The following ITGA5 variants were observed in gnomAD, a reference collection of about 807,000 sequenced individuals.
ITGA5 encodes integrin alpha-5.
In ITGA5, 55 loss-of-function variants were observed where a neutral mutation model predicts 146.3. That is an observed-to-expected ratio of 0.38 (90% CI 0.30 to 0.47). The LOEUF (loss-of-function observed/expected upper bound fraction) is 0.47. ITGA5 is among the 20% of genes least tolerant of loss of function. ITGA5 has a pLI of 0.99. For synonymous variants in ITGA5, 500 were observed against 531.8 expected, an observed-to-expected ratio of 0.94 and a Z score of 0.82; for missense variants, 1,131 against 1,329.0, an observed-to-expected ratio of 0.85 and a Z score of 2.32.
intron 1 of ITGA5, among the ~76,000 whole-genome samples, chr12:54,417,583 A>G (rs999527682): frequency 6.6e-6 from 1 of 152,056 alleles, no homozygotes; most frequent in African/African-American, 2.4e-5. Flanking sequence ...ACAAAGGAGA[A>G]TTTGCCTTTC....
intron 29 of ITGA5, among the ~76,000 whole-genome samples, chr12:54,396,797 C>T (rs1163982932): frequency 6.6e-6 from 1 of 152,206 alleles, no homozygotes; most frequent in Non-Finnish European, 1.5e-5. Flanking sequence ...GATCCTCCCA[C>T]CTCAGCCTCC....
chr12:54,418,597 C>T (rs956852598), intron 1 of ITGA5, among the ~76,000 whole-genome samples: 5 of 151,912 alleles, frequency 3.3e-5, no homozygotes, highest in Non-Finnish European at 1.5e-5. Flanking sequence ...CCTTCCCGGC[C>T]TCTGCGCCCC....
intron 1 of ITGA5, among the ~76,000 whole-genome samples, chr12:54,415,472 C>A (rs1955995360): frequency 6.6e-6 from 1 of 152,218 alleles, no homozygotes. Context: ...TGTTCTCATT[C>A]TGCAGATGGG....
intron 9 of ITGA5, 174 bp downstream of exon 9, chr12:54,407,475 G>C (rs1340059095): frequency 1.5e-6 from 1 of 656,544 alleles, no homozygotes; most frequent in African/African-American, 1.8e-5. Context: ...AGGAAGCAGA[G>C]TATGAATAAA....
At chr12:54,399,605 C>T (rs776795701) in intron 27 of ITGA5, 40 bp downstream of exon 27, 65 of 1,490,244 alleles carry the variant, frequency 4.4e-5, no homozygotes, top group Non-Finnish European at 1.7e-5. Flanking sequence ...CTAAGCAGGC[C>T]CAAAGGTCAG....
chr12:54,399,828 C>T, intron 26 of ITGA5, 36 bp downstream of exon 26: 2 of 1,606,204 alleles, frequency 1.2e-6, no homozygotes, highest in East Asian at 2.2e-5. Context: ...GAGTACTCAA[C>T]ACTTTGGTCC....
chr12:54,399,692 G>C lies in ITGA5; in HGVS notation c.2794C>G (p.Gln932Glu). The C allele has an allele frequency of 6.2e-7, 1 of 1,614,182 alleles. No homozygotes were observed. Among genetic ancestry groups the C allele is most frequent in the Non-Finnish European group, 8.5e-7 (1 of 1,180,006 alleles). ...ELGPLHQQES[Q>E]SLQLHFRVWA... ...ACTCGGAAATGCAACTGCAGACTTT[G>C]GCTCTCTTGTTGGTGCAGGGGCCCG... Residue 932 changes from glutamine (Q) to glutamate (E), a missense_variant, in exon 27 of 30, where the codon CAA becomes GAA. Physicochemically the swap from Gln to Glu is conservative, Grantham distance 29. Transcript: ENST00000293379.
rs1399980603 is a variant in ITGA5 at position 54,416,053 on chromosome 12, AT to A, written c.218+2927del. Among the ~76,000 whole-genome samples, 1 of 151,834 alleles carries A rather than the reference AT, an allele frequency of 6.6e-6. No individual in the cohort carries two copies. Among genetic ancestry groups the A allele is most frequent in the Admixed American group, 6.6e-5 (1 of 15,242 alleles). The stretch of plus-strand genomic sequence containing the variant: ...GACTCCTGAAGCCTCAGTTGTTTTT[AT>A]TTTTTGTTTGTTTGTTGTTGTTTTT... On this transcript the variant is annotated intron_variant, in intron 1 of 29. Coordinates refer to ENST00000293379, the MANE Select transcript of ITGA5 (RefSeq NM_002205.5). The surrounding 1 kb of genome is among the most constrained non-coding windows in gnomAD (Gnocchi z 4.1).
chr12:54,405,144 T>C, intron 12 of ITGA5, 22 bp downstream of exon 12: 1 of 1,545,330 alleles, frequency 6.5e-7, no homozygotes, highest in Non-Finnish European at 8.8e-7. Flanking sequence ...CCTCTTTCAC[T>C]CTCTGAGCCC....
chr12:54,397,341 A>C (rs547683818), intron 29 of ITGA5, 24 bp downstream of exon 29: 1 of 1,613,450 alleles, frequency 6.2e-7, no homozygotes, highest in East Asian at 2.2e-5. Context: ...AGGGTGGCCA[A>C]GTCACAAGCA....
chr12:54,410,884 G>A (rs1488913746), intron 2 of ITGA5, among the ~76,000 whole-genome samples: 2 of 152,122 alleles, frequency 1.3e-5, no homozygotes, highest in Non-Finnish European at 2.9e-5. Context: ...GTGCCACCAT[G>A]CCCGGCTAAT....
intron 1 of ITGA5, among the ~76,000 whole-genome samples, chr12:54,415,330 G>A (rs1955993343): frequency 6.6e-6 from 1 of 152,204 alleles, no homozygotes; most frequent in Non-Finnish European, 1.5e-5. Context: ...ACCACAGCTA[G>A]AAGGCACTGT....
intron 9 of ITGA5, 67 bp downstream of exon 9, chr12:54,407,582 T>A (rs375776907): frequency 5.1e-6 from 7 of 1,367,072 alleles, no homozygotes; most frequent in Non-Finnish European, 7.3e-6. Flanking sequence ...CCTTGCAAAC[T>A]GCCATGCACG....
intron 1 of ITGA5, among the ~76,000 whole-genome samples, chr12:54,417,099 T>A (rs1708048903): frequency 6.6e-6 from 1 of 151,950 alleles, no homozygotes; most frequent in Admixed American, 6.6e-5. Context: ...ACCTGGGTTC[T>A]CTTGGGAGGG....
rs574149030 is a variant in ITGA5, at chr12:54,409,084, A to G, written c.584-130T>C. Reference sequence around the variant, plus strand: ...CCTTCCTGGACCAGACAGTAAGCATAAAGGCTAACGAACTGGGTTAGCCTT... The same window carrying G: ...CCTTCCTGGACCAGACAGTAAGCATGAAGGCTAACGAACTGGGTTAGCCTT... On this transcript the variant is annotated intron_variant, in intron 4 of 29. Transcript: ENST00000293379. The surrounding 1 kb of genome is among the most constrained non-coding windows in gnomAD (Gnocchi z 4.7). 6.5e-4 allele frequency: 914 copies of G among 1,407,318 alleles called. No individual in the cohort carries two copies. The highest frequency in any genetic ancestry group is 8.7e-4 in the Non-Finnish European group (884 of 1,014,290). 87.2% of individuals were successfully genotyped at this position (1,407,318 alleles called of 1,614,324 possible).
At chr12:54,417,302 T>C (rs1956018492) in intron 1 of ITGA5, among the ~76,000 whole-genome samples, 1 of 151,884 alleles carries the variant, frequency 6.6e-6, no homozygotes. Context: ...GAAGGTTAAA[T>C]GCCAGACAAC....
intron 13 of ITGA5, 46 bp downstream of exon 13, chr12:54,404,655 AGT>A (rs1331397996): frequency 6.5e-7 from 1 of 1,547,858 alleles, no homozygotes; most frequent in Middle Eastern, 1.7e-4. Context: ...AGTAGGGGTC[AGT>A]GACCAGGGAA....
rs1031468614 is a variant in ITGA5 at position 54,412,778 on chromosome 12, T to C, written c.219-814A>G. 6.6e-5 allele frequency among the ~76,000 whole-genome samples: 10 copies of C among 152,180 alleles called. No homozygotes were observed. In the East Asian group the frequency reaches 1.9e-3, roughly 29 times the overall value. On this transcript the variant is annotated intron_variant, in intron 1 of 29. Transcript: ENST00000293379. ...TAGCTAAGGGCCTGGGCAGTCCTCC[T>C]GCCGTCAGCTCTGCCTCATTCATCC...
chr12:54,419,251 C>A lies in ITGA5; in HGVS notation c.-53G>T. On this transcript the variant is annotated 5_prime_UTR_variant, in exon 1 of 30. Coordinates refer to ENST00000293379, the MANE Select transcript of ITGA5 (RefSeq NM_002205.5). ...CACCGACCCGGAGCCGCTTCCTAAA[C>A]CTCCCAGAGGCGAATGACTCAACGC... The A allele has an allele frequency of 6.5e-7, 1 of 1,537,022 alleles. No homozygotes were observed. Among genetic ancestry groups the A allele is most frequent in the Non-Finnish European group, 8.8e-7 (1 of 1,139,010 alleles).
Sources: gnomAD v4.1 joint callset for allele counts (sites outside exome capture counted in the v4.1 genomes callset) on GRCh38, gnomAD v4.1.1 for gene constraint, Gnocchi (gnomAD v3.1) non-coding constraint, MANE v1.5 for transcripts, NCBI Gene and HGNC (gene_info 2026-07-23, HGNC 2026-07-21) for gene names.